The following ZNF652 variants were observed in gnomAD, a reference collection of about 807,000 sequenced individuals.
The protein encoded by ZNF652 is zinc finger protein 652.
In ZNF652, 16 loss-of-function variants were observed where a neutral mutation model predicts 45.2. The observed-to-expected ratio is 0.35, with a 90% confidence interval of 0.24 to 0.54. The LOEUF (loss-of-function observed/expected upper bound fraction) is 0.54, where lower values mean the gene tolerates loss of function less well. Ranked by LOEUF, ZNF652 falls within the 20% of genes least tolerant of loss-of-function variation. ZNF652 has a pLI of 0.91. For synonymous variants in ZNF652, 250 were observed against 260.6 expected (o/e 0.96, Z 0.39); for missense variants, 614 against 765.6 (o/e 0.80, Z 2.34).
chr17:49,311,466 A>G lies in ZNF652; in HGVS notation c.1165-10T>C. 1 of 1,611,464 alleles carries G rather than the reference A, an allele frequency of 6.2e-7. No individual in the cohort carries two copies. Among genetic ancestry groups the G allele is most frequent in the South Asian group, 1.1e-5 (1 of 90,928 alleles). On this transcript the variant is annotated splice_polypyrimidine_tract_variant and intron_variant, in intron 4 of 5. Coordinates refer to ENST00000430262, the MANE Select transcript of ZNF652 (RefSeq NM_001145365.3). ...ACCTTTCGTCACAGTTCTGCATTGG[A>G]TACAGTGGAGATTTTTGAATGCCAA...
intron 1 of ZNF652, among the ~76,000 whole-genome samples, chr17:49,350,893 C>T (rs889876492): frequency 6.7e-6 from 1 of 149,150 alleles, no homozygotes; most frequent in African/African-American, 2.5e-5. Context: ...TTGCTTGAAC[C>T]CGAGAGGCAG....
intron 5 of ZNF652, 42 bp downstream of exon 5, chr17:49,311,270 G>A (rs760304145): frequency 6.3e-7 from 1 of 1,591,992 alleles, no homozygotes; most frequent in African/African-American, 1.3e-5. Flanking sequence ...TCATCAACAA[G>A]TGCTTGAGAC....
intron 1 of ZNF652, among the ~76,000 whole-genome samples, chr17:49,333,794 C>G (rs2070052508): frequency 1.3e-5 from 2 of 150,224 alleles, no homozygotes; most frequent in Non-Finnish European, 3.0e-5. Flanking sequence ...TAACATTATT[C>G]AGCATTAGTG....
intron 1 of ZNF652, among the ~76,000 whole-genome samples, chr17:49,336,681 C>G (rs2143865924): frequency 6.7e-6 from 1 of 149,884 alleles, no homozygotes; most frequent in African/African-American, 2.5e-5. Context: ...GGCTGGAGTA[C>G]AAAGACGCAA....
rs186032536 is a variant in ZNF652, at chr17:49,310,994, T to A, written c.1309+318A>T. Among the ~76,000 whole-genome samples the A allele has an allele frequency of 5.9e-5, 9 of 152,288 alleles. No homozygotes were observed. In the South Asian group the frequency reaches 1.0e-3, roughly 18 times the overall value. Reference sequence around the variant, plus strand: ...CTTTTAAGGCCCAGAACCCTTTCCTTAGGAAAATAACATGCACATACACAA... The same window carrying A: ...CTTTTAAGGCCCAGAACCCTTTCCTAAGGAAAATAACATGCACATACACAA... On this transcript the variant is annotated intron_variant, in intron 5 of 5. Transcript: ENST00000430262.
intron 1 of ZNF652, among the ~76,000 whole-genome samples, chr17:49,354,129 T>C (rs2070309537): frequency 6.6e-6 from 1 of 152,192 alleles, no homozygotes; most frequent in Non-Finnish European, 1.5e-5. Flanking sequence ...TTCAATAATT[T>C]CTACTATGCA....
intron 1 of ZNF652, among the ~76,000 whole-genome samples, chr17:49,348,377 T>C (rs1210397206): frequency 4.0e-5 from 6 of 151,478 alleles, no homozygotes; most frequent in Non-Finnish European, 7.4e-5. Flanking sequence ...TCCCAGCTAC[T>C]TGGGAGGCTG....
intron 3 of ZNF652, among the ~76,000 whole-genome samples, chr17:49,312,357 G>T (rs1020405982): frequency 2.6e-5 from 4 of 151,866 alleles, no homozygotes; most frequent in African/African-American, 9.7e-5. Context: ...GTAGAGACAG[G>T]GTTTCGCCAC....
intron 1 of ZNF652, among the ~76,000 whole-genome samples, chr17:49,346,767 A>T (rs1266928737): frequency 2.0e-5 from 3 of 152,312 alleles, no homozygotes; most frequent in South Asian, 2.1e-4. Flanking sequence ...AAAATGAATT[A>T]AAAAAATCAA....
chr17:49,332,350 T>C (rs1429036511), intron 1 of ZNF652, among the ~76,000 whole-genome samples: 1 of 152,166 alleles, frequency 6.6e-6, no homozygotes, highest in Non-Finnish European at 1.5e-5. Context: ...ACAAAAATAT[T>C]TGAAACCAGG....
chr17:49,311,836 C>G (rs2069716469), intron 4 of ZNF652, 91 bp downstream of exon 4: 3 of 1,094,864 alleles, frequency 2.7e-6, no homozygotes, highest in Non-Finnish European at 4.0e-6. Flanking sequence ...AGCCTTGTGC[C>G]TCCTGCTCCA....
rs746390399 is a variant in ZNF652 at position 49,312,060 on chromosome 17, C to G, written c.1049-18G>C. 17 of 1,577,122 alleles carry G rather than the reference C, an allele frequency of 1.1e-5. No individual in the cohort carries two copies. The highest frequency in any genetic ancestry group is 1.5e-5 in the Non-Finnish European group (17 of 1,152,912). ...TGTGTGTGCTGCAACACAGAATGTA[C>G]TTAGTGTCAAAACAAAATCCACCAA... On this transcript the variant is annotated intron_variant, in intron 3 of 5. Transcript: ENST00000430262.
intron 4 of ZNF652, among the ~76,000 whole-genome samples, 155 bp from the exon 5 acceptor site, chr17:49,311,611 GT>G (rs1567918996): frequency 2.0e-5 from 3 of 152,126 alleles, no homozygotes. Context: ...CTGCAGGTGA[GT>G]TACTAATAAA....
chr17:49,305,211 C>T (rs996938278), intron 5 of ZNF652, among the ~76,000 whole-genome samples: 2 of 152,160 alleles, frequency 1.3e-5, no homozygotes, highest in Non-Finnish European at 2.9e-5. Flanking sequence ...TTAAAAAGTT[C>T]ATTCAAACTT....
chr17:49,340,873 T>G (rs1336834548), intron 1 of ZNF652, among the ~76,000 whole-genome samples: 1 of 152,102 alleles, frequency 6.6e-6, no homozygotes, highest in Non-Finnish European at 1.5e-5. Context: ...ATTTGGGGCC[T>G]GGGCCACAGA....
At chr17:49,349,282 C>A (rs535116939) in intron 1 of ZNF652, among the ~76,000 whole-genome samples, 72 of 152,180 alleles carry the variant, frequency 4.7e-4, no homozygotes, top group African/African-American at 1.7e-3. Context: ...ATTTGCCAGG[C>A]CAGCTATTCG....
rs200519423 is a variant in ZNF652, at chr17:49,344,367, A to G, written c.-259+17542T>C. Reference sequence around the variant, plus strand: ...GCAACAGAGTGAGACCCTGTCTCAAAAAACAAGAAAAAAAAATTTATTCCC... The same window carrying G: ...GCAACAGAGTGAGACCCTGTCTCAAGAAACAAGAAAAAAAAATTTATTCCC... On this transcript the variant is annotated intron_variant, in intron 1 of 5. Transcript: ENST00000430262. 5.3e-5 allele frequency among the ~76,000 whole-genome samples: 8 copies of G among 152,008 alleles called. No individual in the cohort carries two copies. The East Asian group carries it at 1.5e-3, about 29-fold the overall frequency.
At chr17:49,348,514 GAAA>G (rs749894668) in intron 1 of ZNF652, among the ~76,000 whole-genome samples, 27 of 124,534 alleles carry the variant, frequency 2.2e-4, no homozygotes, top group African/African-American at 8.4e-4. Context: ...GAAAAGAAAA[GAAA>G]AGAAAAGAAA....
At chr17:49,361,205 T>G (rs1263354121) in intron 1 of ZNF652, 2 of 152,296 alleles carry the variant, frequency 1.3e-5, no homozygotes, top group Admixed American at 1.3e-4. Context: ...TCTCGAATCC[T>G]GAAGACAGAC....
Sources: allele counts gnomAD v4.1 joint callset (sites outside exome capture counted in the v4.1 genomes callset), GRCh38; gene constraint gnomAD v4.1.1; transcripts MANE v1.5; gene names NCBI Gene and HGNC (gene_info 2026-07-23, HGNC 2026-07-21).